RNF149: variants seen among roughly 807,000 people sequenced by gnomAD.
RNF149 encodes ring finger protein 149, also known as E3 ubiquitin-protein ligase RNF149.
RNF149 carries 21 observed loss-of-function variants against 39.0 expected under a neutral mutation model. The ratio of observed to expected loss-of-function variants is 0.54; its 90% CI spans 0.38 to 0.77. RNF149 has a LOEUF of 0.77. RNF149 is among the 30% of genes least tolerant of loss of function. The pLI is 0.00. For missense variants in RNF149, 493 were observed against 534.9 expected (o/e 0.92, Z 0.77); for synonymous variants, 209 against 213.6 (o/e 0.98, Z 0.19).
Position 101,300,326 on chromosome 2 carries a change from C to G in RNF149, c.461-5145G>C, listed in dbSNP as rs117940587. ...AATAAATGAACAGATGAGTGGGAGA[C>G]AGAAGATTAACTGAGATTTAAAAGG... is the stretch of plus-strand genomic sequence containing the variant. On this transcript the variant is annotated intron_variant, in intron 1 of 6. Transcript: ENST00000295317. Among the ~76,000 whole-genome samples, 662 of 151,914 alleles carry G rather than the reference C, an allele frequency of 4.4e-3. 13 individuals are homozygous for G. The East Asian group carries it at 0.074, about 17-fold the overall frequency.
chr2:101,295,640 G>T (rs1251183235), intron 1 of RNF149, among the ~76,000 whole-genome samples: 1 of 144,740 alleles, frequency 6.9e-6, no homozygotes, highest in African/African-American at 2.6e-5. Context: ...CAGCCCGGGC[G>T]ACAGTGCGAG....
At chr2:101,293,066 C>A (rs977313687) in intron 3 of RNF149, among the ~76,000 whole-genome samples, 1 of 142,710 alleles carries the variant, frequency 7.0e-6, no homozygotes, top group South Asian at 2.2e-4. Context: ...AACTGTAGTA[C>A]GAAAACAATC....
chr2:101,301,084 A>T (rs1573259757), intron 1 of RNF149, among the ~76,000 whole-genome samples: 1 of 152,332 alleles, frequency 6.6e-6, no homozygotes, highest in South Asian at 2.1e-4. Flanking sequence ...ATGACAGAGA[A>T]AAAGCCCTTA....
chr2:101,275,427 ATTTCT>A (rs1682302254), downstream of RNF149, among the ~76,000 whole-genome samples: 1 of 26,832 alleles, frequency 3.7e-5, no homozygotes, highest in South Asian at 1.0e-3. Context: ...CTCCCCTAGT[ATTTCT>A]TTTTTTTTTT....
At chr2:101,303,492 C>T (rs891886649) in intron 1 of RNF149, among the ~76,000 whole-genome samples, 4 of 152,224 alleles carry the variant, frequency 2.6e-5, no homozygotes, top group Non-Finnish European at 4.4e-5. Flanking sequence ...CATTACAGAG[C>T]ATCAAGAATT....
intron 1 of RNF149, among the ~76,000 whole-genome samples, chr2:101,297,096 C>T (rs1683261369): frequency 6.6e-6 from 1 of 152,102 alleles, no homozygotes; most frequent in Non-Finnish European, 1.5e-5. Context: ...GTAATCCTAG[C>T]TACTCAGGAG....
chr2:101,272,507 G>A (rs188159825), downstream of RNF149, among the ~76,000 whole-genome samples: 38 of 152,196 alleles, frequency 2.5e-4, no homozygotes, highest in East Asian at 5.4e-3. Context: ...TAAGTACCTG[G>A]GTTGTTGTAG....
At position 101,288,983 on chromosome 2, in the gene RNF149, G is replaced by T; in HGVS notation, c.853C>A (p.Leu285Met). ...NFKVKDIIRI[L>M]PCKHIFHRIC... Reference sequence around the variant, plus strand: ...GTAAAAAGAACATACTTGCATGGCAGAATTCTAATAATATCCTTTACTTTG... The same window carrying T: ...GTAAAAAGAACATACTTGCATGGCATAATTCTAATAATATCCTTTACTTTG... Residue 285 changes from leucine (L) to methionine (M), a missense_variant, in exon 4 of 7, where the codon CTG (leucine) becomes ATG (methionine). Physicochemically the swap from Leu to Met is conservative, Grantham distance 15 (BLOSUM62 2). Transcript: ENST00000295317. 6.5e-7 allele frequency: 1 copy of T among 1,544,126 alleles called. No homozygotes were observed. Among genetic ancestry groups the T allele is most frequent in the Non-Finnish European group, 8.9e-7 (1 of 1,119,118 alleles).
Position 101,276,594 on chromosome 2 carries a change from C to T in RNF149, c.*644G>A. The stretch of plus-strand genomic sequence containing the variant: ...GAAAAAATAAACAGATTTCCCTCCC[C>T]AACAAGGCGTCACAAGAAATGAGGC... On this transcript the variant is annotated 3_prime_UTR_variant, in exon 7 of 7. Transcript: ENST00000295317. 1.0e-6 allele frequency: 1 copy of T among 985,694 alleles called. No homozygotes were observed. Among genetic ancestry groups the T allele is most frequent in the Non-Finnish European group, 1.2e-6 (1 of 829,896 alleles). The allele number at this position is 985,694 out of a possible 1,614,324, so 61.1% of individuals were successfully genotyped here.
intron 1 of RNF149, among the ~76,000 whole-genome samples, chr2:101,296,561 A>C (rs1232572161): frequency 6.6e-6 from 1 of 152,214 alleles, no homozygotes; most frequent in African/African-American, 2.4e-5. Flanking sequence ...ACCCAAATAC[A>C]TGAAAGAATT....
Position 101,277,097 on chromosome 2 carries a change from T to C in RNF149, c.*141A>G. Reference sequence around the variant, plus strand: ...TTCAAGAAGAAAATATCTTAGTCCTTTGTATATCAAATCAGAATCTAATAG... The same window carrying C: ...TTCAAGAAGAAAATATCTTAGTCCTCTGTATATCAAATCAGAATCTAATAG... On this transcript the variant is annotated 3_prime_UTR_variant, in exon 7 of 7. Transcript: ENST00000295317. 1 of 1,425,224 alleles carries C rather than the reference T, an allele frequency of 7.0e-7. No homozygotes were observed. The highest frequency in any genetic ancestry group is 1.4e-5 in the African/African-American group (1 of 69,338). The allele number at this position is 1,425,224 out of a possible 1,614,324, so 88.3% of individuals were successfully genotyped here.
At chr2:101,278,384 C>G (rs192042473) in intron 6 of RNF149, among the ~76,000 whole-genome samples, 1 of 152,122 alleles carries the variant, frequency 6.6e-6, no homozygotes, top group Non-Finnish European at 1.5e-5. Context: ...GCAATCTGCT[C>G]CCTGCCACCC....
intron 1 of RNF149, among the ~76,000 whole-genome samples, chr2:101,301,103 C>A (rs1261968644): frequency 2.0e-5 from 3 of 151,828 alleles, no homozygotes; most frequent in Non-Finnish European, 2.9e-5. Flanking sequence ...TAGAGGTTAT[C>A]TCTTCCTTCC....
At chr2:101,286,338 T>C (rs1682791404) in intron 4 of RNF149, 161 bp from the exon 5 acceptor site, 1 of 476,648 alleles carries the variant, frequency 2.1e-6, no homozygotes, top group Non-Finnish European at 3.8e-6. Context: ...CTCTCTTCCA[T>C]ATGAAACAGA....
chr2:101,296,069 G>C (rs1052909715), intron 1 of RNF149, among the ~76,000 whole-genome samples: 1 of 152,180 alleles, frequency 6.6e-6, no homozygotes, highest in Non-Finnish European at 1.5e-5. Flanking sequence ...AGTGAGCTGA[G>C]ATCATGCTAC....
chr2:101,308,483 C>A lies in RNF149; in HGVS notation c.106G>T (p.Glu36Ter). Residue 36 changes from glutamate to a stop codon, truncating the protein, a stop_gained, in exon 1 of 7, where the codon GAG (glutamate) becomes TAG (stop). Transcript: ENST00000295317. LOFTEE classifies it high-confidence loss of function. Reference protein sequence around the residue: ...CVPGARGRALEWFSAVVNIEY... With the variant: ...CVPGARGRAL The stretch of plus-strand genomic sequence containing the variant: ...ATGTTTACCACGGCCGAGAACCACT[C>A]GAGAGCCCGGCCCCGGGCCCCGGGC... 6.2e-7 allele frequency: 1 copy of A among 1,610,994 alleles called. No homozygotes were observed. Among genetic ancestry groups the A allele is most frequent in the Non-Finnish European group, 8.5e-7 (1 of 1,179,244 alleles).
chr2:101,277,433 A>G, intron 6 of RNF149, 152 bp from the exon 7 acceptor site: 2 of 1,115,546 alleles, frequency 1.8e-6, no homozygotes, highest in Non-Finnish European at 2.4e-6. Flanking sequence ...CTTGTTGCCC[A>G]GGCTGGAATG....
At chr2:101,273,018 A>AATTCGGCC (rs1440310926), downstream of RNF149, 1 of 1,352,748 alleles carries the variant, frequency 7.4e-7, no homozygotes, top group East Asian at 4.5e-5. Context: ...GAGACACTGC[A>AATTCGGCC]ATTCGGCCTT....
chr2:101,301,027 C>T (rs1257457296), intron 1 of RNF149, among the ~76,000 whole-genome samples: 1 of 152,178 alleles, frequency 6.6e-6, no homozygotes. Context: ...CAGCTTATTT[C>T]CAAACTAAAT....
Sources: gnomAD v4.1 joint callset for allele counts (sites outside exome capture counted in the v4.1 genomes callset) on GRCh38, gnomAD v4.1.1 for gene constraint, MANE v1.5 for transcripts, NCBI Gene and HGNC (gene_info 2026-07-23, HGNC 2026-07-21) for gene names.